The following GRID2 variants were observed in gnomAD, a reference collection of about 807,000 sequenced individuals.
GRID2 encodes glutamate receptor ionotropic, delta-2.
A neutral mutation model predicts 114.8 loss-of-function variants in GRID2; 33 were observed. The ratio of observed to expected loss-of-function variants is 0.29; its 90% CI spans 0.22 to 0.38. GRID2 has a LOEUF of 0.38. Among genes scored for constraint, GRID2 ranks in the 10% least tolerant of loss-of-function variants. The pLI is 1.00. For synonymous variants in GRID2, 505 were observed against 449.9 expected, an observed-to-expected ratio of 1.12 and a Z score of -1.55; for missense variants, 1,184 against 1,257.7, an observed-to-expected ratio of 0.94 and a Z score of 0.89.
chr4:93,208,782 GT>G (rs1743108407), intron 5 of GRID2, among the ~76,000 whole-genome samples: 1 of 151,880 alleles, frequency 6.6e-6, no homozygotes, highest in African/African-American at 2.4e-5. Context: ...AATAAGATAG[GT>G]TTTTCTGAGA....
chr4:92,665,999 T>G (rs952282440), intron 2 of GRID2, among the ~76,000 whole-genome samples: 3 of 151,510 alleles, frequency 2.0e-5, no homozygotes, highest in African/African-American at 7.3e-5. Flanking sequence ...ATTTAAATAT[T>G]TTCTCTGCCT....
At chr4:93,331,133 C>CA (rs71810943) in intron 8 of GRID2, among the ~76,000 whole-genome samples, 1 of 147,242 alleles carries the variant, frequency 6.8e-6, no homozygotes, top group Non-Finnish European at 1.5e-5. Flanking sequence ...CTAACCCCCC[C>CA]CCCATTTCAC....
chr4:93,608,477 A>C, intron 13 of GRID2, among the ~76,000 whole-genome samples: 1 of 141,444 alleles, frequency 7.1e-6, no homozygotes, highest in Non-Finnish European at 1.5e-5. Context: ...CAACCCCACC[A>C]CAGTCCCCAG....
At chr4:93,630,378 C>T (rs550620689) in intron 14 of GRID2, among the ~76,000 whole-genome samples, 18 of 152,118 alleles carry the variant, frequency 1.2e-4, no homozygotes, top group Middle Eastern at 3.2e-3. Flanking sequence ...CTGAATTTTT[C>T]GGGTTGACTT....
chr4:93,042,299 CTATATATATA>C (rs771214923), intron 2 of GRID2, among the ~76,000 whole-genome samples: 8 of 102,664 alleles, frequency 7.8e-5, no homozygotes, highest in African/African-American at 2.8e-4. Context: ...CTCTCTCTCT[CTATATATATA>C]TATATATATA....
chr4:92,837,724 T>C (rs1331862192), intron 2 of GRID2, among the ~76,000 whole-genome samples: 1 of 152,112 alleles, frequency 6.6e-6, no homozygotes, highest in Non-Finnish European at 1.5e-5. Context: ...CTTTCCATGT[T>C]TTACTTGGTA....
chr4:93,365,084 C>T (rs1019208185), intron 8 of GRID2, among the ~76,000 whole-genome samples: 4 of 152,006 alleles, frequency 2.6e-5, no homozygotes, highest in South Asian at 2.1e-4. Context: ...TGATGTTTCA[C>T]CTAGATTTTC....
intron 2 of GRID2, among the ~76,000 whole-genome samples, chr4:92,602,174 C>T (rs1729245077): frequency 6.9e-6 from 1 of 145,154 alleles, no homozygotes; most frequent in Admixed American, 7.0e-5. Flanking sequence ...AGGCCAGCAT[C>T]ACTGTGATAC....
intron 1 of GRID2, among the ~76,000 whole-genome samples, chr4:92,535,483 A>T (rs1725573242): frequency 6.6e-6 from 1 of 152,170 alleles, no homozygotes; most frequent in Admixed American, 6.5e-5. Context: ...TGGAATATAT[A>T]AACTTCCTGG....
Position 92,444,422 on chromosome 4 carries a change from G to C in GRID2, c.88+139678G>C, listed in dbSNP as rs185688659. 3.2e-3 allele frequency among the ~76,000 whole-genome samples: 484 copies of C among 152,202 alleles called. 4 individuals carry two copies. Among genetic ancestry groups the C allele is most frequent in the African/African-American group, 0.011 (447 of 41,526 alleles). On this transcript the variant is annotated intron_variant, in intron 1 of 15. Transcript: ENST00000282020. ...GAGTGGGGGTCACAAGGTGCTCAGTGGGGGTGCTTTTGGCGCCAGGATGAG... is the reference window on the plus strand; with the variant it reads ...GAGTGGGGGTCACAAGGTGCTCAGTCGGGGTGCTTTTGGCGCCAGGATGAG...
chr4:93,345,530 A>G (rs1400249604), intron 8 of GRID2, among the ~76,000 whole-genome samples: 1 of 151,980 alleles, frequency 6.6e-6, no homozygotes, highest in Non-Finnish European at 1.5e-5. Context: ...CAAGTTTCTT[A>G]TATATTTTGG....
At chr4:92,977,560 G>T (rs1247643439) in intron 2 of GRID2, among the ~76,000 whole-genome samples, 1 of 152,122 alleles carries the variant, frequency 6.6e-6, no homozygotes, top group Non-Finnish European at 1.5e-5. Context: ...ATCCTCTAAA[G>T]ATCTTTAAGC....
chr4:93,496,438 A>G (rs1031665312), intron 12 of GRID2, among the ~76,000 whole-genome samples: 1 of 151,748 alleles, frequency 6.6e-6, no homozygotes, highest in African/African-American at 2.4e-5. Flanking sequence ...ATTATTACAT[A>G]TGTAGACTCC....
At chr4:92,829,018 A>G (rs951931408) in intron 2 of GRID2, among the ~76,000 whole-genome samples, 1 of 152,110 alleles carries the variant, frequency 6.6e-6, no homozygotes, top group Non-Finnish European at 1.5e-5. Flanking sequence ...CTTTAGTTTA[A>G]TTAGATCCCA....
At chr4:92,722,217 T>C (rs1369471672) in intron 2 of GRID2, among the ~76,000 whole-genome samples, 1 of 152,126 alleles carries the variant, frequency 6.6e-6, no homozygotes, top group Non-Finnish European at 1.5e-5. Context: ...TTGGGAAGAA[T>C]GCCACTGAAA....
intron 1 of GRID2, among the ~76,000 whole-genome samples, chr4:92,558,307 T>C (rs1726955615): frequency 6.6e-6 from 1 of 152,190 alleles, no homozygotes; most frequent in Non-Finnish European, 1.5e-5. Context: ...ATGAAAAGGC[T>C]ATTTTTTGAA....
chr4:92,960,676 T>A (rs1024040481), intron 2 of GRID2, among the ~76,000 whole-genome samples: 8 of 152,046 alleles, frequency 5.3e-5, no homozygotes, highest in African/African-American at 1.7e-4. Context: ...TCTTGCTTAT[T>A]GATCCACTCT....
At chr4:92,976,825 A>G (rs1402400525) in intron 2 of GRID2, among the ~76,000 whole-genome samples, 1 of 152,148 alleles carries the variant, frequency 6.6e-6, no homozygotes, top group Admixed American at 6.6e-5. Flanking sequence ...TTTACAGCAA[A>G]TAAGCAAAAA....
chr4:93,344,767 C>G (rs917360342), intron 8 of GRID2, among the ~76,000 whole-genome samples: 3 of 151,660 alleles, frequency 2.0e-5, no homozygotes, highest in African/African-American at 7.3e-5. Context: ...CAGTATCTCC[C>G]CATTTCCACC....
Sources: allele counts gnomAD v4.1 joint callset (sites outside exome capture counted in the v4.1 genomes callset), GRCh38; gene constraint gnomAD v4.1.1; transcripts MANE v1.5; gene names NCBI Gene and HGNC (gene_info 2026-07-23, HGNC 2026-07-21).